RTL6: variants seen among roughly 807,000 people sequenced by gnomAD.
The protein encoded by RTL6 is retrotransposon Gag like 6.
RTL6 carries 9 observed loss-of-function variants against 12.4 expected under a neutral mutation model. That is an observed-to-expected ratio of 0.73 (90% CI 0.44 to 1.27). The LOEUF is 1.27. RTL6 is among the 50% of genes most tolerant of loss of function. The probability of loss-of-function intolerance (pLI) is 0.00; values close to 1 mark genes in which losing one functional copy is unlikely to be tolerated. For missense variants in RTL6, 291 were observed against 330.7 expected (o/e 0.88, Z 0.93); for synonymous variants, 160 against 142.8 (o/e 1.12, Z -0.86).
rs552420702 is a variant in RTL6 at position 44,493,111 on chromosome 22, C to A, written c.*3726G>T. ...ACTCCAAAATAAAATATTTAGTAAT[C>A]ATAAGGGGAGATGCCCACGATATGC... On this transcript the variant is annotated 3_prime_UTR_variant, in exon 2 of 2. Coordinates refer to ENST00000341255, the MANE Select transcript of RTL6 (RefSeq NM_032287.3). The A allele has an allele frequency of 9.9e-5, 15 of 152,220 alleles. No individual in the cohort carries two copies. Among genetic ancestry groups the A allele is most frequent in the African/African-American group, 3.6e-4 (15 of 41,534 alleles). 9.4% of individuals were successfully genotyped at this position (152,220 alleles called of 1,614,324 possible). A position where few individuals can be genotyped will look rare whatever the true frequency, so the allele number is the denominator to read the frequency against.
rs1203241743 is a variant in RTL6 at position 44,495,935 on chromosome 22, C to G, written c.*902G>C. On this transcript the variant is annotated 3_prime_UTR_variant, in exon 2 of 2. Transcript: ENST00000341255. ...CTGAGCATCAGCCGCTGTGGCACTG[C>G]CCATGGAGATCCTGGGCAGCAAAGG... 2.6e-5 allele frequency: 4 copies of G among 152,366 alleles called. No individual in the cohort carries two copies. Among genetic ancestry groups the G allele is most frequent in the Non-Finnish European group, 5.9e-5 (4 of 68,172 alleles). The allele number at this position is 152,366 out of a possible 1,614,324, so 9.4% of individuals were successfully genotyped here. A position where few individuals can be genotyped will look rare whatever the true frequency, so the allele number is the denominator to read the frequency against.
Position 44,498,145 on chromosome 22 carries a change from G to T in RTL6, c.-357C>A, listed in dbSNP as rs547068491. On this transcript the variant is annotated 5_prime_UTR_variant, in exon 1 of 2. Transcript: ENST00000341255. ...AGGCCGATGAATCACCGCGCGGACC[G>T]CCGAGAACTGCTTCCCGGTCAGCGC... The T allele has an allele frequency of 0.014, 2,117 of 151,954 alleles. 23 individuals carry two copies. The highest frequency in any genetic ancestry group is 0.038 in the South Asian group (200 of 5,324). 9.4% of individuals were successfully genotyped at this position (151,954 alleles called of 1,614,324 possible).
Position 44,497,312 on chromosome 22 carries a change from G to A in RTL6, c.245C>T (p.Pro82Leu), listed in dbSNP as rs765866563. The change falls in exon 2 of 2, where the codon CCC becomes CTC. Residue 82 changes from proline (P) to leucine (L), a missense_variant. Physicochemically the swap from Pro to Leu is moderately conservative, Grantham distance 98. Coordinates refer to ENST00000341255, the MANE Select transcript of RTL6 (RefSeq NM_032287.3). Reference protein sequence around the residue: ...RIPGALQITPPISSITSNGTR... With the variant: ...RIPGALQITPLISSITSNGTR... Reference sequence around the variant, plus strand: ...CCCGTTTGAAGTAATTGAGGAGATGGGCGGGGTGATCTGCAGAGCCCCCGG... The same window carrying A: ...CCCGTTTGAAGTAATTGAGGAGATGAGCGGGGTGATCTGCAGAGCCCCCGG... The A allele has an allele frequency of 1.2e-6, 2 of 1,613,918 alleles. No homozygotes were observed. The highest frequency in any genetic ancestry group is 8.5e-7 in the Non-Finnish European group (1 of 1,179,784).
rs1357851149 is a variant in RTL6 at position 44,495,704 on chromosome 22, G to C, written c.*1133C>G. On this transcript the variant is annotated 3_prime_UTR_variant, in exon 2 of 2. Transcript: ENST00000341255. ...TGCTTAAGGATGTTTCCCGAAGGGA[G>C]TCTGTTTTCCCTTGGACAAAGGCAG... is the stretch of plus-strand genomic sequence containing the variant. 6.6e-6 allele frequency: 1 copy of C among 152,236 alleles called. No individual in the cohort carries two copies. Among genetic ancestry groups the C allele is most frequent in the Non-Finnish European group, 1.5e-5 (1 of 68,088 alleles). The allele number at this position is 152,236 out of a possible 1,614,324, so 9.4% of individuals were successfully genotyped here.
Position 44,497,011 on chromosome 22 carries a change from C to G in RTL6, c.546G>C (p.Arg182=), listed in dbSNP as rs1322783012. Residue 182 remains arginine, a synonymous_variant, in exon 2 of 2, where the codon CGG becomes CGC. Coordinates refer to ENST00000341255, the MANE Select transcript of RTL6 (RefSeq NM_032287.3). ...ELRRTYKSPL[R]HARRAQIRKT... is the part of the protein sequence containing the mutation. The stretch of plus-strand genomic sequence containing the variant: ...TCCTGATTTGGGCGCGCCGCGCATG[C>G]CGGAGCGGAGACTTGTAGGTTCTCC... 2 of 1,614,006 alleles carry G rather than the reference C, an allele frequency of 1.2e-6. No individual in the cohort carries two copies. The highest frequency in any genetic ancestry group is 1.7e-6 in the Non-Finnish European group (2 of 1,179,960).
At position 44,495,144 on chromosome 22, in the gene RTL6, G is replaced by A. The variant is rs370265563; in HGVS notation, c.*1693C>T. 1 of 152,652 alleles carries A rather than the reference G, an allele frequency of 6.6e-6. No individual in the cohort carries two copies. Among genetic ancestry groups the A allele is most frequent in the Non-Finnish European group, 1.5e-5 (1 of 68,056 alleles). The allele number at this position is 152,652 out of a possible 1,614,324, so 9.5% of individuals were successfully genotyped here. ...AGGCAGTTGTTCAGCAGGGCAATTGGGCTAACAGAGTTGATGGTGAGTGGG... is the reference window on the plus strand; with the variant it reads ...AGGCAGTTGTTCAGCAGGGCAATTGAGCTAACAGAGTTGATGGTGAGTGGG... On this transcript the variant is annotated 3_prime_UTR_variant, in exon 2 of 2. Transcript: ENST00000341255.
chr22:44,495,660 C>CA lies in RTL6; in HGVS notation c.*1176dup, dbSNP rs1320771446. 9.0e-6 allele frequency: 1 copy of CA among 111,602 alleles called. No homozygotes were observed. The highest frequency in any genetic ancestry group is 2.0e-5 in the Non-Finnish European group (1 of 50,068). 6.9% of individuals were successfully genotyped at this position (111,602 alleles called of 1,614,324 possible). A position where few individuals can be genotyped will look rare whatever the true frequency, so the allele number is the denominator to read the frequency against. ...CCCTGGCTGGGTTGCCAGAGGCAGA[C>CA]ACCCCCCCCGGCCTTAAGTGCTTAA... On this transcript the variant is annotated 3_prime_UTR_variant, in exon 2 of 2. Transcript: ENST00000341255.
In RTL6 at chr22:44,497,406, CCTT is replaced by C. The variant is rs1924485849; in HGVS notation, c.148_150del (p.Lys50del). 2 of 1,613,870 alleles carry C rather than the reference CCTT, an allele frequency of 1.2e-6. No homozygotes were observed. The highest frequency in any genetic ancestry group is 1.7e-5 in the Admixed American group (1 of 59,990). On this transcript the variant is annotated inframe_deletion, in exon 2 of 2. Transcript: ENST00000341255. ...CTCTCCAGCATGTTGGTGAGATTGG[CCTT>C]CTCCGCCCGCAGGGTGGAAGCCTCC... is the stretch of plus-strand genomic sequence containing the variant.
Position 44,496,465 on chromosome 22 carries a change from CAG to C in RTL6, c.*370_*371del, listed in dbSNP as rs971160254. ...AGCCGCCAGGGGAGCTTGGAGAGGG[CAG>C]AGTAGGAGCCTCCATGAACCAAGTC... On this transcript the variant is annotated 3_prime_UTR_variant, in exon 2 of 2. Transcript: ENST00000341255. The C allele has an allele frequency of 4.7e-6, 1 of 213,362 alleles. No homozygotes were observed. The highest frequency in any genetic ancestry group is 2.3e-5 in the African/African-American group (1 of 43,376). 13.2% of individuals were successfully genotyped at this position (213,362 alleles called of 1,614,324 possible).
Position 44,497,244 on chromosome 22 carries a change from AG to A in RTL6, c.312del (p.Ser106ProfsTer11). The stretch of plus-strand genomic sequence containing the variant: ...GCCAACCGGCCTGGGTCCCCGGAAA[AG>A]GGCTCGGGCAGAGAGGTTGGAGGTG... ...MTTPPTSLPE[P>X]FSGDPGRLAG... On this transcript the variant is annotated frameshift_variant, in exon 2 of 2. Coordinates refer to ENST00000341255, the MANE Select transcript of RTL6 (RefSeq NM_032287.3). LOFTEE classifies it high-confidence loss of function. The A allele has an allele frequency of 6.2e-7, 1 of 1,614,110 alleles. No homozygotes were observed. The highest frequency in any genetic ancestry group is 8.5e-7 in the Non-Finnish European group (1 of 1,180,030).
Position 44,496,711 on chromosome 22 carries a change from C to T in RTL6, c.*126G>A, listed in dbSNP as rs1228244725. 1.7e-6 allele frequency: 2 copies of T among 1,203,688 alleles called. No individual in the cohort carries two copies. The highest frequency in any genetic ancestry group is 1.5e-5 in the African/African-American group (1 of 65,722). The allele number at this position is 1,203,688 out of a possible 1,614,324, so 74.6% of individuals were successfully genotyped here. ...GGAAGGAAGATCTCCTCGGGGAACA[C>T]GTCTGGAGAGGCAAGAAGGGAGGTC... is the stretch of plus-strand genomic sequence containing the variant. On this transcript the variant is annotated 3_prime_UTR_variant, in exon 2 of 2. Transcript: ENST00000341255.
In RTL6 at chr22:44,497,265, G is replaced by T; in HGVS notation, c.292C>A (p.Pro98Thr). 1 of 1,614,248 alleles carries T rather than the reference G, an allele frequency of 6.2e-7. No individual in the cohort carries two copies. The highest frequency in any genetic ancestry group is 8.5e-7 in the Non-Finnish European group (1 of 1,180,044). ...GAAAAGGGCTCGGGCAGAGAGGTTG[G>T]AGGTGTGGTCATGGGTCGAGTCCCG... The part of the protein sequence containing the change: ...SNGTRPMTTP[P>T]TSLPEPFSGD... Residue 98 changes from proline (P) to threonine (T), a missense_variant, in exon 2 of 2, where the codon CCA (proline) becomes ACA (threonine). Physicochemically the swap from Pro to Thr is conservative, Grantham distance 38. Around this residue, in one of 3 missense-constraint regions of RTL6, gnomAD observed 155 missense variants for 149.2 expected, o/e 1.04. Coordinates refer to ENST00000341255, the MANE Select transcript of RTL6 (RefSeq NM_032287.3).
chr22:44,496,929 C>A lies in RTL6; in HGVS notation c.628G>T (p.Ala210Ser). Residue 210 changes from alanine to serine, a missense_variant, in exon 2 of 2, where the codon GCC becomes TCC. Transcript: ENST00000341255. ...RERQMLCRQL[A>S]SAGTGPCPVH... ...GGGCAAGGCCCCGTGCCCGCAGAGGCCAGCTGGCGGCAGAGCATCTGCCTC... is the reference window on the plus strand; with the variant it reads ...GGGCAAGGCCCCGTGCCCGCAGAGGACAGCTGGCGGCAGAGCATCTGCCTC... 1 of 1,613,248 alleles carries A rather than the reference C, an allele frequency of 6.2e-7. No homozygotes were observed. The highest frequency in any genetic ancestry group is 8.5e-7 in the Non-Finnish European group (1 of 1,179,698).
chr22:44,497,074 G>A lies in RTL6; in HGVS notation c.483C>T (p.Pro161=). Residue 161 remains proline (P), a synonymous_variant, in exon 2 of 2, where the codon CCC becomes CCT. Transcript: ENST00000341255. ...WAIPHMQPDS[P]LRNNYQGFLA... is the part of the protein sequence containing the mutation. ...GGAACCCCTGATAGTTGTTGCGCAA[G>A]GGGCTGTCAGGTTGCATGTGGGGGA... 1 of 1,614,182 alleles carries A rather than the reference G, an allele frequency of 6.2e-7. No homozygotes were observed. Among genetic ancestry groups the A allele is most frequent in the Non-Finnish European group, 8.5e-7 (1 of 1,180,038 alleles).
In RTL6 at chr22:44,493,132, T is replaced by C. The variant is rs1206698307; in HGVS notation, c.*3705A>G. 1 of 152,146 alleles carries C rather than the reference T, an allele frequency of 6.6e-6. No homozygotes were observed. The highest frequency in any genetic ancestry group is 1.5e-5 in the Non-Finnish European group (1 of 68,026). The allele number at this position is 152,146 out of a possible 1,614,324, so 9.4% of individuals were successfully genotyped here. A position where few individuals can be genotyped will look rare whatever the true frequency, so the allele number is the denominator to read the frequency against. ...TAATCATAAGGGGAGATGCCCACGA[T>C]ATGCTAAGTGAAAACAGCTGCACAA... is the stretch of plus-strand genomic sequence containing the variant. On this transcript the variant is annotated 3_prime_UTR_variant, in exon 2 of 2. Coordinates refer to ENST00000341255, the MANE Select transcript of RTL6 (RefSeq NM_032287.3).
rs1197496701 is a variant in RTL6, at chr22:44,494,198, T to C, written c.*2639A>G. The C allele has an allele frequency of 6.6e-6, 1 of 152,256 alleles. No individual in the cohort carries two copies. Among genetic ancestry groups the C allele is most frequent in the African/African-American group, 2.4e-5 (1 of 41,452 alleles). The allele number at this position is 152,256 out of a possible 1,614,324, so 9.4% of individuals were successfully genotyped here. ...ATGGAAAACAGAACTTTCCTTCACA[T>C]GCACTGTTGAACACTACTGCCTGTC... On this transcript the variant is annotated 3_prime_UTR_variant, in exon 2 of 2. Transcript: ENST00000341255.
Position 44,497,387 on chromosome 22 carries a change from A to G in RTL6, c.170T>C (p.Leu57Pro). 1 of 1,613,924 alleles carries G rather than the reference A, an allele frequency of 6.2e-7. No homozygotes were observed. Reference protein sequence around the residue: ...RAEKANLTNMLESVMAELTLL... With the variant: ...RAEKANLTNMPESVMAELTLL... ...GGTCAGCTCTGCCATCACGCTCTCC[A>G]GCATGTTGGTGAGATTGGCCTTCTC... Residue 57 changes from leucine to proline, a missense_variant, in exon 2 of 2, where the codon CTG becomes CCG. Physicochemically the swap from Leu to Pro is moderately conservative, Grantham distance 98. Coordinates refer to ENST00000341255, the MANE Select transcript of RTL6 (RefSeq NM_032287.3).
rs1183997664 is a variant in RTL6, at chr22:44,494,732, T to C, written c.*2105A>G. 6.6e-6 allele frequency: 1 copy of C among 152,562 alleles called. No homozygotes were observed. Among genetic ancestry groups the C allele is most frequent in the Non-Finnish European group, 1.5e-5 (1 of 68,528 alleles). 9.5% of individuals were successfully genotyped at this position (152,562 alleles called of 1,614,324 possible). ...GCGTGGCCGGCCTTTCCTAGGCAGC[T>C]GTAGGATGTGAAGCAGCACAGGCCT... On this transcript the variant is annotated 3_prime_UTR_variant, in exon 2 of 2. Coordinates refer to ENST00000341255, the MANE Select transcript of RTL6 (RefSeq NM_032287.3).
chr22:44,497,860 G>A (rs960030689), intron 1 of RTL6, 49 bp from the exon 2 acceptor site: 7 of 316,732 alleles, frequency 2.2e-5, no homozygotes, highest in Non-Finnish European at 4.2e-5. Flanking sequence ...GCGACTAGCG[G>A]GCAGGAGGGT....
Sources: allele counts gnomAD v4.1 joint callset, GRCh38; gene constraint gnomAD v4.1.1; regional missense constraint gnomAD v4.1.1; transcripts MANE v1.5; gene names NCBI Gene and HGNC (gene_info 2026-07-23, HGNC 2026-07-21).